Variants in SORBS2 observed in about 807,000 individuals in gnomAD.
The protein encoded by SORBS2 is sorbin and SH3 domain containing 2.
In SORBS2, 46 loss-of-function variants were observed where a neutral mutation model predicts 97.7. That is an observed-to-expected ratio of 0.47 (90% CI 0.37 to 0.60). The LOEUF (loss-of-function observed/expected upper bound fraction) is 0.60, where lower values mean the gene tolerates loss of function less well. SORBS2 is among the 20% of genes least tolerant of loss of function. SORBS2 has a pLI of 0.00. For missense variants in SORBS2, 1,316 were observed against 1,282.3 expected (o/e 1.03, Z -0.40); for synonymous variants, 476 against 473.4 (o/e 1.01, Z -0.07).
At chr4:185,869,562 A>G (rs1200373863) in intron 1 of SORBS2, among the ~76,000 whole-genome samples, 1 of 152,244 alleles carries the variant, frequency 6.6e-6, no homozygotes, top group Non-Finnish European at 1.5e-5. Context: ...GGTCAAGAGC[A>G]ATAAGGCAGA....
intron 1 of SORBS2, among the ~76,000 whole-genome samples, chr4:185,857,538 A>C (rs1159068836): frequency 1.3e-5 from 2 of 152,200 alleles, no homozygotes; most frequent in African/African-American, 4.8e-5. Context: ...ACAGAATAAC[A>C]GTGATTTTCA....
In SORBS2 at chr4:185,613,580, A is replaced by G. The variant is rs148255778; in HGVS notation, c.2595+1251T>C. Among the ~76,000 whole-genome samples the G allele has an allele frequency of 1.5e-4, 21 of 144,692 alleles. No individual in the cohort carries two copies. The East Asian group carries it at 1.7e-3, about 11-fold the overall frequency. 94.9% of individuals were successfully genotyped at this position (144,692 alleles called of 152,430 possible). A position where few individuals can be genotyped will look rare whatever the true frequency, so the allele number is the denominator to read the frequency against. On this transcript the variant is annotated intron_variant, in intron 11 of 14. Coordinates refer to ENST00000418609, the Ensembl canonical transcript of SORBS2. ...GGAGAATCGCTTGAACCTGGGAGGC[A>G]GAGGTTGCAGTGAGCTGAGAGCACA...
chr4:185,677,469 G>A (rs1244295183), intron 4 of SORBS2: 10 of 1,551,754 alleles, frequency 6.4e-6, no homozygotes, highest in East Asian at 4.9e-5. Context: ...TGTCTGTCTC[G>A]AATCTTCATT....
At chr4:185,889,706 G>A (rs1027144054) in intron 1 of SORBS2, among the ~76,000 whole-genome samples, 32 of 151,264 alleles carry the variant, frequency 2.1e-4, no homozygotes, top group African/African-American at 6.8e-4. Flanking sequence ...CTCCTCCTCC[G>A]CCTGACAGTT....
rs1290722775 is a variant in SORBS2, at chr4:185,690,495, T to A, written c.-197-11673A>T. ...TAGGATCAGAAGAGTGCTAAACTAA[T>A]GATTTAGGGCCAACATGATTTTTAG... On this transcript the variant is annotated intron_variant, in intron 2 of 20. Coordinates refer to the SORBS2 transcript ENST00000284776. 5.9e-6 allele frequency: 6 copies of A among 1,012,920 alleles called. No homozygotes were observed. In the Admixed American group the frequency reaches 1.4e-4, roughly 24 times the overall value. The allele number at this position is 1,012,920 out of a possible 1,614,324, so 62.7% of individuals were successfully genotyped here.
chr4:185,877,251 A>G (rs2149761808), intron 1 of SORBS2, among the ~76,000 whole-genome samples: 1 of 152,326 alleles, frequency 6.6e-6, no homozygotes, highest in East Asian at 1.9e-4. Flanking sequence ...TATTAAACAT[A>G]TTAGCTATAA....
intron 1 of SORBS2, among the ~76,000 whole-genome samples, chr4:185,820,792 C>T (rs1161836349): frequency 2.6e-5 from 4 of 152,160 alleles, no homozygotes; most frequent in South Asian, 2.1e-4. Flanking sequence ...CTGTCTGTCC[C>T]GCGAGATTAT....
At position 185,921,732 on chromosome 4, in the gene SORBS2, G is replaced by A. The variant is rs866700942; in HGVS notation, c.-338+34464C>T. Among the ~76,000 whole-genome samples the A allele has an allele frequency of 9.9e-5, 15 of 152,278 alleles. 1 individual carries two copies. Among genetic ancestry groups the A allele is most frequent in the South Asian group, 8.3e-4 (4 of 4,816 alleles). On this transcript the variant is annotated intron_variant, in intron 1 of 20. Coordinates refer to the SORBS2 transcript ENST00000284776. ...TACAGCCCTATCAGCCGACCACAAC[G>A]CTGGTTTGCTATTTTTAGCCAGTTC...
intron 1 of SORBS2, among the ~76,000 whole-genome samples, chr4:185,882,930 A>C (rs968189334): frequency 3.9e-5 from 6 of 152,200 alleles, no homozygotes; most frequent in African/African-American, 1.4e-4. Context: ...AAATACATGT[A>C]CATCTTAAAA....
chr4:185,851,070 G>A (rs1056826803), intron 1 of SORBS2, among the ~76,000 whole-genome samples: 3 of 152,074 alleles, frequency 2.0e-5, no homozygotes, highest in Admixed American at 6.6e-5. Flanking sequence ...GGGATTTCCT[G>A]GCTGCCATAA....
intron 2 of SORBS2, among the ~76,000 whole-genome samples, chr4:185,694,031 G>C (rs997849829): frequency 6.6e-5 from 10 of 152,140 alleles, no homozygotes; most frequent in Non-Finnish European, 1.2e-4. Flanking sequence ...TTTCCAAGTC[G>C]TTAAAAGAAG....
intron 1 of SORBS2, among the ~76,000 whole-genome samples, chr4:185,858,212 G>A (rs1005748012): frequency 1.3e-5 from 2 of 152,136 alleles, no homozygotes; most frequent in South Asian, 2.1e-4. Flanking sequence ...AAGAACCTAC[G>A]TTGAAATATT....
intron 2 of SORBS2, among the ~76,000 whole-genome samples, chr4:185,702,342 G>T (rs2098275829): frequency 6.6e-6 from 1 of 152,172 alleles, no homozygotes; most frequent in African/African-American, 2.4e-5. Flanking sequence ...GCAGAAGCAA[G>T]AGAGAGCAGG....
At chr4:185,804,910 T>C (rs1346421271) in intron 1 of SORBS2, among the ~76,000 whole-genome samples, 1 of 152,140 alleles carries the variant, frequency 6.6e-6, no homozygotes, top group Non-Finnish European at 1.5e-5. Flanking sequence ...CTGATACCTC[T>C]TTCTGTCTTG....
intron 1 of SORBS2, among the ~76,000 whole-genome samples, chr4:185,779,431 A>T (rs114897570): frequency 6.6e-6 from 1 of 152,200 alleles, no homozygotes; most frequent in African/African-American, 2.4e-5. Context: ...TATTTGAAAA[A>T]CTGTGCAGAT....
At position 185,665,976 on chromosome 4, in the gene SORBS2, G is replaced by A. The variant is rs1489725564; in HGVS notation, c.-45-3734C>T. 27 of 1,272,200 alleles carry A rather than the reference G, an allele frequency of 2.1e-5. No individual in the cohort carries two copies. The Admixed American group carries it at 6.4e-4, about 30-fold the overall frequency. 78.8% of individuals were successfully genotyped at this position (1,272,200 alleles called of 1,614,324 possible). On this transcript the variant is annotated intron_variant, in intron 4 of 20. Coordinates refer to the SORBS2 transcript ENST00000284776. ...TTTCTGGAGCTGGGAGCAGGTGTTT[G>A]TATAAGCAATGGGAAAGGCTCTGGG...
chr4:185,657,107 G>T, upstream of SORBS2: 1 of 310,914 alleles, frequency 3.2e-6, no homozygotes, highest in Non-Finnish European at 5.3e-6. Context: ...TCTCTCTATT[G>T]CCCTAAGCCT....
chr4:185,931,185 C>A (rs771115608), intron 1 of SORBS2, among the ~76,000 whole-genome samples: 1 of 151,928 alleles, frequency 6.6e-6, no homozygotes, highest in African/African-American at 2.4e-5. Context: ...GGAAGCAAGA[C>A]AATAAGGAGG....
chr4:185,822,288 G>A (rs2099197231), intron 1 of SORBS2, among the ~76,000 whole-genome samples: 1 of 152,184 alleles, frequency 6.6e-6, no homozygotes, highest in Admixed American at 6.5e-5. Context: ...TGGAGGAAAT[G>A]GAGGCCCGGG....
Sources: gnomAD v4.1 joint callset for allele counts (sites outside exome capture counted in the v4.1 genomes callset) on GRCh38, gnomAD v4.1.1 for gene constraint, MANE v1.5 for transcripts, NCBI Gene and HGNC (gene_info 2026-07-23, HGNC 2026-07-21) for gene names.